NIPAL2: variants seen among roughly 807,000 people sequenced by gnomAD.
The protein encoded by NIPAL2 is NIPA like domain containing 2, also known as NIPA-like protein 2.
Under a neutral mutation model 48.9 loss-of-function variants are expected in NIPAL2, and 43 were observed. The ratio of observed to expected loss-of-function variants is 0.88; its 90% confidence interval spans 0.69 to 1.13. The LOEUF (loss-of-function observed/expected upper bound fraction) is 1.13. Among genes scored for constraint, NIPAL2 ranks in the 50% most tolerant of loss-of-function variants. NIPAL2 has a pLI of 0.00. For missense variants in NIPAL2, 446 were observed against 461.4 expected (o/e 0.97, Z 0.31); for synonymous variants, 167 against 174.6 (o/e 0.96, Z 0.34).
At chr8:98,222,648 C>T (rs1563499717) in intron 4 of NIPAL2, 48 bp from the exon 5 acceptor site, 3 of 1,595,292 alleles carry the variant, frequency 1.9e-6, no homozygotes, top group East Asian at 2.2e-5. Flanking sequence ...CAACCTAAAG[C>T]TTTTGTTGAC....
intron 1 of NIPAL2, among the ~76,000 whole-genome samples, chr8:98,285,294 C>G (rs1022248190): frequency 2.0e-5 from 3 of 152,164 alleles, no homozygotes; most frequent in Non-Finnish European, 4.4e-5. Flanking sequence ...TTGGGGCATA[C>G]AGTGCCCTTT....
intron 1 of NIPAL2, among the ~76,000 whole-genome samples, chr8:98,255,994 A>T (rs1400081475): frequency 1.3e-5 from 2 of 152,112 alleles, no homozygotes; most frequent in Non-Finnish European, 2.9e-5. Flanking sequence ...AAATAGATAA[A>T]TTGTACTTCA....
intron 10 of NIPAL2, among the ~76,000 whole-genome samples, chr8:98,194,120 T>G (rs1810432861): frequency 6.6e-6 from 1 of 150,986 alleles, no homozygotes; most frequent in Admixed American, 6.6e-5. Context: ...TGGAGAGTGC[T>G]GAGGGCGGGT....
intron 1 of NIPAL2, among the ~76,000 whole-genome samples, chr8:98,281,181 C>A (rs1244238068): frequency 6.6e-6 from 1 of 152,108 alleles, no homozygotes; most frequent in African/African-American, 2.4e-5. Context: ...AGGGGACAGA[C>A]AACTTCAGCA....
chr8:98,211,693 A>G (rs933194016), intron 6 of NIPAL2, among the ~76,000 whole-genome samples: 5 of 144,796 alleles, frequency 3.5e-5, no homozygotes, highest in Non-Finnish European at 1.5e-5. Context: ...GAGATCTCCT[A>G]GTGTTGGTAT....
intron 3 of NIPAL2, chr8:98,252,254 T>C (rs1320056026): frequency 2.8e-5 from 14 of 508,192 alleles, no homozygotes; most frequent in Non-Finnish European, 4.4e-5. Context: ...ACATAGGTGT[T>C]AGAGTCACAA....
intron 4 of NIPAL2, among the ~76,000 whole-genome samples, chr8:98,226,121 G>A (rs1253401796): frequency 6.6e-6 from 1 of 151,898 alleles, no homozygotes; most frequent in Non-Finnish European, 1.5e-5. Context: ...TTCCTTCTCT[G>A]GGTTATCTTG....
At position 98,192,845 on chromosome 8, in the gene NIPAL2, A is replaced by G; in HGVS notation, c.*133T>C. 4 of 645,462 alleles carry G rather than the reference A, an allele frequency of 6.2e-6. No individual in the cohort carries two copies. Among genetic ancestry groups the G allele is most frequent in the South Asian group, 3.6e-5 (2 of 56,066 alleles). 40.0% of individuals were successfully genotyped at this position (645,462 alleles called of 1,614,324 possible). Reference sequence around the variant, plus strand: ...AGTCCCCGATTGTCCATAGACGCTGAGGTGGGGGAAAGGACTGAAATGAAT... The same window carrying G: ...AGTCCCCGATTGTCCATAGACGCTGGGGTGGGGGAAAGGACTGAAATGAAT... On this transcript the variant is annotated 3_prime_UTR_variant, in exon 11 of 11. Transcript: ENST00000430223.
intron 3 of NIPAL2, among the ~76,000 whole-genome samples, chr8:98,241,838 T>C (rs1812996028): frequency 6.6e-6 from 1 of 152,158 alleles, no homozygotes; most frequent in African/African-American, 2.4e-5. Flanking sequence ...ACTCTTTCTA[T>C]CCTCCCAGCG....
intron 1 of NIPAL2, among the ~76,000 whole-genome samples, chr8:98,264,813 G>A (rs1305528028): frequency 6.6e-6 from 1 of 152,166 alleles, no homozygotes; most frequent in Non-Finnish European, 1.5e-5. Context: ...AAAGGAGCCT[G>A]CATTGCCAAG....
Position 98,265,486 on chromosome 8 carries a change from CT to C in NIPAL2, c.136-11400del, listed in dbSNP as rs1814661897. Among the ~76,000 whole-genome samples, 4 of 124,250 alleles carry C rather than the reference CT, an allele frequency of 3.2e-5. No individual in the cohort carries two copies. In the South Asian group the frequency reaches 1.2e-3, roughly 39 times the overall value. 81.5% of individuals were successfully genotyped at this position (124,250 alleles called of 152,430 possible). On this transcript the variant is annotated intron_variant, in intron 1 of 10. Transcript: ENST00000430223. ...AGTGGGCGAAGGACATGAACAGACA[CT>C]TCTCAAAAGAAGACATTTGTGTAGC...
intron 1 of NIPAL2, among the ~76,000 whole-genome samples, chr8:98,259,140 G>T (rs991647746): frequency 3.7e-5 from 5 of 133,484 alleles, no homozygotes; most frequent in African/African-American, 1.2e-4. Context: ...GCAGTGGCGC[G>T]ATCTCGACTC....
chr8:98,252,201 C>T (rs1407437726), intron 3 of NIPAL2: 8 of 383,552 alleles, frequency 2.1e-5, no homozygotes, highest in Admixed American at 1.3e-4. Context: ...ATAACATCTT[C>T]TGTCACCGTT....
intron 1 of NIPAL2, among the ~76,000 whole-genome samples, chr8:98,276,776 T>C (rs1172411722): frequency 1.3e-5 from 2 of 151,354 alleles, no homozygotes; most frequent in East Asian, 3.9e-4. Context: ...TTTTCTTTTC[T>C]TTTTTCTTTT....
intron 3 of NIPAL2, among the ~76,000 whole-genome samples, chr8:98,250,613 G>A (rs940277886): frequency 2.6e-5 from 4 of 152,228 alleles, no homozygotes; most frequent in Non-Finnish European, 5.9e-5. Flanking sequence ...TGGACAGAGA[G>A]GGAGGTAGCT....
At chr8:98,293,727 T>C (rs770769231) in intron 1 of NIPAL2, among the ~76,000 whole-genome samples, 21 of 151,950 alleles carry the variant, frequency 1.4e-4, no homozygotes, top group Admixed American at 3.3e-4. Flanking sequence ...GACCCGGAGG[T>C]CCCAGGAACG....
At chr8:98,226,868 G>T (rs940282855) in intron 4 of NIPAL2, among the ~76,000 whole-genome samples, 2 of 152,122 alleles carry the variant, frequency 1.3e-5, no homozygotes, top group Non-Finnish European at 2.9e-5. Flanking sequence ...AGTTCCCCTA[G>T]GCCCTGGGTG....
Position 98,191,746 on chromosome 8 carries a change from A to C in NIPAL2, c.*1232T>G, listed in dbSNP as rs1039092391. The C allele has an allele frequency of 6.6e-6, 1 of 152,226 alleles. No individual in the cohort carries two copies. Among genetic ancestry groups the C allele is most frequent in the Non-Finnish European group, 1.5e-5 (1 of 68,042 alleles). 9.4% of individuals were successfully genotyped at this position (152,226 alleles called of 1,614,324 possible). On this transcript the variant is annotated 3_prime_UTR_variant, in exon 11 of 11. Coordinates refer to ENST00000430223, the MANE Select transcript of NIPAL2 (RefSeq NM_001321635.2). ...TCCTTTAAATATTAGGTAGATCATA[A>C]ATAACAGATATTATTATGGATTCTA...
intron 3 of NIPAL2, among the ~76,000 whole-genome samples, chr8:98,249,596 CTA>C (rs1813476779): frequency 6.8e-6 from 1 of 145,990 alleles, no homozygotes; most frequent in African/African-American, 2.5e-5. Context: ...TAATATGTAA[CTA>C]TATTTAATAT....
Sources: allele counts gnomAD v4.1 joint callset (sites outside exome capture counted in the v4.1 genomes callset), GRCh38; gene constraint gnomAD v4.1.1; transcripts MANE v1.5; gene names NCBI Gene and HGNC (gene_info 2026-07-23, HGNC 2026-07-21).